Variants in NID1 observed in about 807,000 individuals in gnomAD.
NID1 encodes nidogen-1.
In NID1, 76 loss-of-function variants were observed where a neutral mutation model predicts 130.6. That is an observed-to-expected ratio of 0.58 (90% CI 0.48 to 0.70). NID1 has a LOEUF of 0.70. NID1 is among the 30% of genes least tolerant of loss of function. The pLI is 0.00. For missense variants in NID1, 1,517 were observed against 1,664.8 expected (o/e 0.91, Z 1.54); for synonymous variants, 665 against 675.1 (o/e 0.98, Z 0.23).
At chr1:236,029,803 G>A in intron 6 of NID1, 53 bp from the exon 7 acceptor site, 1 of 1,571,196 alleles carries the variant, frequency 6.4e-7, no homozygotes, top group Non-Finnish European at 8.7e-7. Context: ...GCGCCCTTCT[G>A]CCCGCCCCAG....
rs1403363042 is a variant in NID1, at chr1:235,977,901, T to C, written c.3710A>G (p.Asn1237Ser). The C allele has an allele frequency of 1.9e-6, 3 of 1,614,214 alleles. No homozygotes were observed. The highest frequency in any genetic ancestry group is 2.5e-6 in the Non-Finnish European group (3 of 1,180,028). ...PGSRTCRCPD[N>S]TLGVDCIEQK is the part of the protein sequence containing the mutation. ...TTCGATACAGTCAACTCCCAAGGTGTTGTCAGGGCAACGGCAGGTCCTGCT... is the reference window on the plus strand; with the variant it reads ...TTCGATACAGTCAACTCCCAAGGTGCTGTCAGGGCAACGGCAGGTCCTGCT... The change falls in exon 20 of 20, where the codon AAC (asparagine) becomes AGC (serine). Residue 1237 changes from asparagine to serine, a missense_variant. Around this residue, in one of 3 missense-constraint regions of NID1, gnomAD observed 181 missense variants for 211.3 expected, o/e 0.86. Coordinates refer to ENST00000264187, the MANE Select transcript of NID1 (RefSeq NM_002508.3).
rs568714699 is a variant in NID1, at chr1:236,029,868, G to T, written c.1538-118C>A. 47 of 901,014 alleles carry T rather than the reference G, an allele frequency of 5.2e-5. No individual in the cohort carries two copies. The Admixed American group carries it at 8.1e-4, about 15-fold the overall frequency. 55.8% of individuals were successfully genotyped at this position (901,014 alleles called of 1,614,324 possible). A position where few individuals can be genotyped will look rare whatever the true frequency, so the allele number is the denominator to read the frequency against. On this transcript the variant is annotated intron_variant, in intron 6 of 19. Transcript: ENST00000264187. Reference sequence around the variant, plus strand: ...ACGCTTCTGCAGGTGCTTTGGTTTGGCTGTAGAACATAGAACTGGTGACAC... The same window carrying T: ...ACGCTTCTGCAGGTGCTTTGGTTTGTCTGTAGAACATAGAACTGGTGACAC...
At chr1:236,014,292 A>G (rs1251566628) in intron 10 of NID1, among the ~76,000 whole-genome samples, 3 of 149,180 alleles carry the variant, frequency 2.0e-5, no homozygotes, top group African/African-American at 7.4e-5. Context: ...AAGAAGACTC[A>G]TGGAGGAAAA....
intron 7 of NID1, among the ~76,000 whole-genome samples, chr1:236,027,945 A>G (rs1658987944): frequency 6.6e-6 from 1 of 152,224 alleles, no homozygotes; most frequent in Non-Finnish European, 1.5e-5. Context: ...GGGTCTCTAC[A>G]TGAGCAAGAC....
rs1336859473 is a variant in NID1 at position 236,026,153 on chromosome 1, G to A, written c.1739-12C>T. The A allele has an allele frequency of 6.2e-7, 1 of 1,612,948 alleles. No individual in the cohort carries two copies. Among genetic ancestry groups the A allele is most frequent in the Admixed American group, 1.7e-5 (1 of 60,012 alleles). Reference sequence around the variant, plus strand: ...GGAGGAAGTGATCACTGCAGAGTGGGAAGGATGGAGGGGACAAGGCAGGGA... The same window carrying A: ...GGAGGAAGTGATCACTGCAGAGTGGAAAGGATGGAGGGGACAAGGCAGGGA... On this transcript the variant is annotated splice_polypyrimidine_tract_variant and intron_variant, in intron 7 of 19. Coordinates refer to ENST00000264187, the MANE Select transcript of NID1 (RefSeq NM_002508.3).
intron 9 of NID1, among the ~76,000 whole-genome samples, 182 bp from the exon 10 acceptor site, chr1:236,017,455 G>A (rs1044514528): frequency 5.3e-5 from 8 of 151,772 alleles, no homozygotes; most frequent in African/African-American, 1.9e-4. Flanking sequence ...GTGCAATCTC[G>A]GTTCACTGCA....
At chr1:236,042,395 C>T (rs886717533) in intron 3 of NID1, 103 bp from the exon 4 acceptor site, 1 of 1,415,086 alleles carries the variant, frequency 7.1e-7, no homozygotes, top group Non-Finnish European at 9.6e-7. Context: ...GTCTGCAAGC[C>T]ATCACCTGCA....
At chr1:235,983,804 A>C (rs1276240739) in intron 15 of NID1, among the ~76,000 whole-genome samples, 2 of 152,180 alleles carry the variant, frequency 1.3e-5, no homozygotes, top group African/African-American at 4.8e-5. Context: ...CCTCAAAGAT[A>C]TGATACTTTT....
Position 236,048,776 on chromosome 1 carries a change from A to G in NID1, c.439T>C (p.Phe147Leu). Residue 147 changes from phenylalanine (F) to leucine (L), a missense_variant, in exon 2 of 20, where the codon TTC becomes CTC. Physicochemically the swap from Phe to Leu is conservative, Grantham distance 22 (BLOSUM62 0). Coordinates refer to ENST00000264187, the MANE Select transcript of NID1 (RefSeq NM_002508.3). ...ACAACCACCGCGCTACTAGGCTGGA[A>G]AGAGATCTCCGGGAACCCTCTGTGG... ...CVHRGFPEIS[F>L]QPSSAVVVTW... 6.2e-7 allele frequency: 1 copy of G among 1,613,942 alleles called. No individual in the cohort carries two copies. The highest frequency in any genetic ancestry group is 8.5e-7 in the Non-Finnish European group (1 of 1,180,024).
chr1:236,011,296 CT>C lies in NID1; in HGVS notation c.2527+624del, dbSNP rs3077493. Among the ~76,000 whole-genome samples the C allele has an allele frequency of 1.0e-4, 14 of 135,946 alleles. 1 individual carries two copies. Among genetic ancestry groups the C allele is most frequent in the Non-Finnish European group, 1.6e-4 (10 of 63,956 alleles). The allele number at this position is 135,946 out of a possible 152,430, so 89.2% of individuals were successfully genotyped here. A position where few individuals can be genotyped will look rare whatever the true frequency, so the allele number is the denominator to read the frequency against. ...TCCAGTCTAAGGTGTCAAATATATT[CT>C]TTTTTTTTCTTTTTTTTTTTTTTTT... On this transcript the variant is annotated intron_variant, in intron 12 of 19. Transcript: ENST00000264187.
Position 235,977,089 on chromosome 1 carries a change from T to C in NID1, c.*778A>G, listed in dbSNP as rs1247657699. The C allele has an allele frequency of 6.6e-6, 1 of 152,098 alleles. No homozygotes were observed. Among genetic ancestry groups the C allele is most frequent in the East Asian group, 1.9e-4 (1 of 5,202 alleles). 9.4% of individuals were successfully genotyped at this position (152,098 alleles called of 1,614,324 possible). On this transcript the variant is annotated 3_prime_UTR_variant, in exon 20 of 20. Transcript: ENST00000264187. Reference sequence around the variant, plus strand: ...TAAGGCACATCAAAAAAATCCCCTATTCTCAAATATCTGACCTACACCTTG... The same window carrying C: ...TAAGGCACATCAAAAAAATCCCCTACTCTCAAATATCTGACCTACACCTTG...
At chr1:236,034,106 A>G (rs780035143) in intron 5 of NID1, among the ~76,000 whole-genome samples, 2 of 152,218 alleles carry the variant, frequency 1.3e-5, no homozygotes, top group Non-Finnish European at 2.9e-5. Context: ...ACCTCCATTC[A>G]TTAAGATATT....
chr1:236,019,692 G>A (rs1222638202), intron 9 of NID1, among the ~76,000 whole-genome samples: 2 of 152,130 alleles, frequency 1.3e-5, no homozygotes, highest in Non-Finnish European at 2.9e-5. Context: ...CAATTTCTGA[G>A]CTAATAGTCC....
chr1:236,034,422 C>CAAAAAAAAAAAAAA (rs144657585), intron 5 of NID1, among the ~76,000 whole-genome samples: 10 of 92,620 alleles, frequency 1.1e-4, no homozygotes, highest in African/African-American at 2.7e-4. Flanking sequence ...AACTCCATCT[C>CAAAAAAAAAAAAAA]AAAAAAAAAA....
chr1:235,982,711 A>G (rs1657472404), intron 15 of NID1, among the ~76,000 whole-genome samples: 1 of 152,108 alleles, frequency 6.6e-6, no homozygotes, highest in Non-Finnish European at 1.5e-5. Flanking sequence ...TTAAATTAAT[A>G]ATAACGATTG....
At chr1:236,023,782 G>C (rs1658839283) in intron 9 of NID1, among the ~76,000 whole-genome samples, 1 of 152,144 alleles carries the variant, frequency 6.6e-6, no homozygotes, top group South Asian at 2.1e-4. Flanking sequence ...ATCATTAACA[G>C]CTCTGACTTA....
chr1:236,062,705 G>C (rs1462976429), intron 1 of NID1, among the ~76,000 whole-genome samples: 1 of 151,462 alleles, frequency 6.6e-6, no homozygotes, highest in Non-Finnish European at 1.5e-5. Flanking sequence ...ATGAATGCAG[G>C]CAACAAAGCA....
Position 236,018,976 on chromosome 1 carries a change from A to G in NID1, c.2129-1703T>C, listed in dbSNP as rs556667270. Reference sequence around the variant, plus strand: ...TTGGTCAACATTGCACAAGACAAGCATTCTTGATCACATCAGCCTCATAGT... The same window carrying G: ...TTGGTCAACATTGCACAAGACAAGCGTTCTTGATCACATCAGCCTCATAGT... On this transcript the variant is annotated intron_variant, in intron 9 of 19. Transcript: ENST00000264187. Among the ~76,000 whole-genome samples the G allele has an allele frequency of 2.0e-5, 3 of 152,358 alleles. No individual in the cohort carries two copies. In the South Asian group the frequency reaches 6.2e-4, roughly 32 times the overall value.
intron 15 of NID1, among the ~76,000 whole-genome samples, chr1:235,985,109 C>T (rs557406411): frequency 6.6e-6 from 1 of 151,680 alleles, no homozygotes; most frequent in Non-Finnish European, 1.5e-5. Flanking sequence ...AGGAGAATGG[C>T]GTGAACCCAG....
Sources: gnomAD v4.1 joint callset for allele counts (sites outside exome capture counted in the v4.1 genomes callset) on GRCh38, gnomAD v4.1.1 for gene constraint, gnomAD v4.1.1 regional missense constraint, MANE v1.5 for transcripts, NCBI Gene and HGNC (gene_info 2026-07-23, HGNC 2026-07-21) for gene names.